The following ITSN2 variants were observed in gnomAD, a reference collection of about 807,000 sequenced individuals.
ITSN2 encodes the protein intersectin-2.
Under a neutral mutation model 243.7 loss-of-function variants are expected in ITSN2, and 156 were observed. That is an observed-to-expected ratio of 0.64 (90% CI 0.56 to 0.73). The LOEUF is 0.73. ITSN2 is among the 30% of genes least tolerant of loss of function. The pLI is 0.00. For missense variants in ITSN2, 1,801 were observed against 1,996.1 expected, an observed-to-expected ratio of 0.90 and a Z score of 1.86; for synonymous variants, 703 against 699.9, an observed-to-expected ratio of 1.00 and a Z score of -0.07.
intron 20 of ITSN2, among the ~76,000 whole-genome samples, chr2:24,265,912 C>T (rs1676601994): frequency 6.6e-6 from 1 of 152,184 alleles, no homozygotes; most frequent in African/African-American, 2.4e-5. Context: ...ACATTTCAGT[C>T]TTAGCCATGC....
At chr2:24,333,910 GAC>G (rs1686056015) in intron 1 of ITSN2, among the ~76,000 whole-genome samples, 1 of 152,128 alleles carries the variant, frequency 6.6e-6, no homozygotes, top group Admixed American at 6.5e-5. Context: ...TGTTTTTTGA[GAC>G]AGAGTCTCAT....
intron 15 of ITSN2, among the ~76,000 whole-genome samples, chr2:24,292,172 A>T (rs1366671054): frequency 6.6e-6 from 1 of 152,220 alleles, no homozygotes; most frequent in East Asian, 1.9e-4. Flanking sequence ...CAAAGCCCAA[A>T]CAAAAGCTTC....
At chr2:24,292,080 C>T (rs946305946) in intron 15 of ITSN2, among the ~76,000 whole-genome samples, 2 of 152,142 alleles carry the variant, frequency 1.3e-5, no homozygotes, top group Non-Finnish European at 2.9e-5. Flanking sequence ...AAAACTGACT[C>T]ACACAGTGCT....
intron 2 of ITSN2, among the ~76,000 whole-genome samples, chr2:24,325,310 AGAGGCAG>A (rs1265123628): frequency 1.3e-5 from 2 of 151,968 alleles, no homozygotes; most frequent in Non-Finnish European, 2.9e-5. Context: ...CTCAGGAAGC[AGAGGCAG>A]GAGGATTGCT....
At position 24,221,723 on chromosome 2, in the gene ITSN2, C is replaced by T. The variant is rs112903326; in HGVS notation, c.3578-657G>A. Among the ~76,000 whole-genome samples, 102 of 152,314 alleles carry T rather than the reference C, an allele frequency of 6.7e-4. 1 individual carries two copies. The highest frequency in any genetic ancestry group is 1.3e-3 in the Non-Finnish European group (90 of 68,036). On this transcript the variant is annotated intron_variant, in intron 29 of 39. Transcript: ENST00000355123. ...TGCCTCATCTCACTAGAACAAATAA[C>T]TCCTGGTACACTGCAGATATCCAGC...
At chr2:24,214,591 A>G (rs1399184623) in intron 32 of ITSN2, among the ~76,000 whole-genome samples, 1 of 152,176 alleles carries the variant, frequency 6.6e-6, no homozygotes, top group Admixed American at 6.5e-5. Flanking sequence ...AATTACATGC[A>G]CTTTAATTTA....
At chr2:24,253,680 T>A (rs984842878) in intron 24 of ITSN2, among the ~76,000 whole-genome samples, 8 of 152,256 alleles carry the variant, frequency 5.3e-5, no homozygotes, top group Non-Finnish European at 1.0e-4. Context: ...CTTTTATTCA[T>A]CCTTGTATTT....
intron 29 of ITSN2, among the ~76,000 whole-genome samples, chr2:24,243,780 T>C (rs1409798502): frequency 6.6e-6 from 1 of 152,174 alleles, no homozygotes; most frequent in Non-Finnish European, 1.5e-5. Context: ...AGGGCTTGCA[T>C]TACAATTGGT....
chr2:24,288,490 CATA>C (rs924095367), intron 15 of ITSN2, among the ~76,000 whole-genome samples: 16 of 152,120 alleles, frequency 1.1e-4, no homozygotes, highest in Non-Finnish European at 1.6e-4. Flanking sequence ...AGCTAATTAA[CATA>C]ATGTGTATGT....
chr2:24,302,373 T>A (rs947270788), intron 9 of ITSN2, among the ~76,000 whole-genome samples: 5 of 152,002 alleles, frequency 3.3e-5, no homozygotes, highest in Non-Finnish European at 5.9e-5. Context: ...TAATTTTTTG[T>A]ATTTTTAGTA....
chr2:24,204,190 C>A lies in ITSN2; in HGVS notation c.4936+55G>T, dbSNP rs762160606. On this transcript the variant is annotated intron_variant, in intron 39 of 39. Coordinates refer to ENST00000355123, the MANE Select transcript of ITSN2 (RefSeq NM_006277.3). This position sits in a 1 kb window ranked among gnomAD's most constrained non-coding sequence, Gnocchi z 5.1. ...CAGCTGAAGCCCCTAGATCTGGACT[C>A]CAGGATCTAGGAAACTGGGAAAGCC... 6.3e-7 allele frequency: 1 copy of A among 1,575,694 alleles called. No individual in the cohort carries two copies. Among genetic ancestry groups the A allele is most frequent in the East Asian group, 2.2e-5 (1 of 44,708 alleles).
chr2:24,257,182 T>C (rs1476681710), intron 23 of ITSN2, among the ~76,000 whole-genome samples: 1 of 151,940 alleles, frequency 6.6e-6, no homozygotes, highest in Non-Finnish European at 1.5e-5. Flanking sequence ...AAGCCAGGCA[T>C]GGTAGCGTGC....
At chr2:24,321,180 G>C (rs1477689316) in intron 2 of ITSN2, among the ~76,000 whole-genome samples, 1 of 152,158 alleles carries the variant, frequency 6.6e-6, no homozygotes, top group African/African-American at 2.4e-5. Flanking sequence ...CCGAGCTTGG[G>C]ATTAGCTTTT....
At chr2:24,309,000 A>G (rs1438028373) in intron 7 of ITSN2, 2 of 454,140 alleles carry the variant, frequency 4.4e-6, no homozygotes, top group Non-Finnish European at 4.4e-6. Context: ...TGCAAACCCT[A>G]TTGTGAATGG....
chr2:24,292,876 G>A (rs1486311720), intron 15 of ITSN2, among the ~76,000 whole-genome samples: 1 of 152,074 alleles, frequency 6.6e-6, no homozygotes, highest in South Asian at 2.1e-4. Context: ...CAGAACTTGC[G>A]CAAAGAAGGG....
chr2:24,259,563 C>T (rs925177989), intron 22 of ITSN2, among the ~76,000 whole-genome samples: 2 of 152,216 alleles, frequency 1.3e-5, no homozygotes, highest in African/African-American at 4.8e-5. Flanking sequence ...CAACCTCTCT[C>T]TCCAACTTCG....
chr2:24,249,009 G>A lies in ITSN2; in HGVS notation c.3121-127C>T. The A allele has an allele frequency of 1.1e-6, 1 of 945,754 alleles. No homozygotes were observed. The highest frequency in any genetic ancestry group is 1.6e-6 in the Non-Finnish European group (1 of 612,502). 58.6% of individuals were successfully genotyped at this position (945,754 alleles called of 1,614,324 possible). A position where few individuals can be genotyped will look rare whatever the true frequency, so the allele number is the denominator to read the frequency against. On this transcript the variant is annotated intron_variant, in intron 25 of 39. Coordinates refer to ENST00000355123, the MANE Select transcript of ITSN2 (RefSeq NM_006277.3). The surrounding 1 kb of genome is among the most constrained non-coding windows in gnomAD (Gnocchi z 4.4). ...TTTCTCTTTAAATGAAGATGAAAAT[G>A]ACAATGAACCTCATGCAGTATTAAC...
chr2:24,294,210 G>C (rs544681627), intron 14 of ITSN2, among the ~76,000 whole-genome samples: 50 of 152,322 alleles, frequency 3.3e-4, no homozygotes, highest in African/African-American at 1.1e-3. Context: ...TGGATCACTT[G>C]AGGTCAGGAG....
chr2:24,312,400 A>C (rs777729741), intron 4 of ITSN2, 25 bp from the exon 5 acceptor site: 2 of 1,561,308 alleles, frequency 1.3e-6, no homozygotes, highest in Non-Finnish European at 1.7e-6. Flanking sequence ...AGGTAGGTAG[A>C]TTGCTATGTG....
Sources: allele counts gnomAD v4.1 joint callset (sites outside exome capture counted in the v4.1 genomes callset), GRCh38; gene constraint gnomAD v4.1.1; non-coding constraint Gnocchi (gnomAD v3.1); transcripts MANE v1.5; gene names NCBI Gene and HGNC (gene_info 2026-07-23, HGNC 2026-07-21).